Variants in PCTP observed in about 807,000 individuals in gnomAD.
PCTP encodes the protein phosphatidylcholine transfer protein.
In PCTP, 27 loss-of-function variants were observed where a neutral mutation model predicts 31.0. The observed-to-expected ratio is 0.87, with a 90% CI of 0.64 to 1.20. The LOEUF is 1.20. PCTP is among the 50% of genes most tolerant of loss of function. The pLI is 0.00. For synonymous variants in PCTP, 108 were observed against 101.2 expected (o/e 1.07, Z -0.40); for missense variants, 287 against 268.2 (o/e 1.07, Z -0.49).
At chr17:55,839,747 C>T (rs979271793) in intron 5 of PCTP, among the ~76,000 whole-genome samples, 4 of 150,626 alleles carry the variant, frequency 2.7e-5, no homozygotes, top group African/African-American at 4.9e-5. Context: ...GGTGAAACCC[C>T]GTCTCTACTA....
chr17:55,751,911 T>C (rs1909739891), intron 1 of PCTP, among the ~76,000 whole-genome samples: 1 of 152,256 alleles, frequency 6.6e-6, no homozygotes, highest in Non-Finnish European at 1.5e-5. Flanking sequence ...CCAAGGCTTG[T>C]CATCAGTTGC....
chr17:55,788,504 G>C (rs780818206), intron 3 of PCTP, among the ~76,000 whole-genome samples: 1 of 152,102 alleles, frequency 6.6e-6, no homozygotes, highest in Non-Finnish European at 1.5e-5. Flanking sequence ...ACCAAGTTGG[G>C]CATTGGCTAT....
chr17:55,834,993 C>A (rs1238569053), intron 5 of PCTP, among the ~76,000 whole-genome samples: 2 of 152,028 alleles, frequency 1.3e-5, no homozygotes, highest in Non-Finnish European at 2.9e-5. Context: ...GCCCTAAATC[C>A]AATACGATTA....
the PCTP span, among the ~76,000 whole-genome samples, chr17:55,852,638 C>T: frequency 7.9e-5 from 12 of 152,128 alleles, no homozygotes; most frequent in Non-Finnish European, 1.3e-4. Flanking sequence ...TTTTCTTCTA[C>T]CCAGGTTTGA....
chr17:55,847,532 C>T (rs192866889), downstream of PCTP, among the ~76,000 whole-genome samples: 140 of 152,300 alleles, frequency 9.2e-4, no homozygotes, highest in African/African-American at 3.0e-3. Flanking sequence ...ACATGCTTTG[C>T]TTCCTCTTTG....
At chr17:55,817,672 C>T (rs7218611) in intron 3 of PCTP, among the ~76,000 whole-genome samples, 7,233 of 152,232 alleles carry the variant, frequency 0.048, 543 homozygotes, top group African/African-American at 0.16. Context: ...GGAAAAGTAG[C>T]TTTATTGTCT....
chr17:55,779,515 A>G (rs537981651), downstream of PCTP, among the ~76,000 whole-genome samples: 1 of 152,194 alleles, frequency 6.6e-6, no homozygotes, highest in South Asian at 2.1e-4. Flanking sequence ...GAGCGCTGAC[A>G]TGAAGGAGAG....
chr17:55,787,856 T>A (rs908089202), intron 3 of PCTP, among the ~76,000 whole-genome samples: 10 of 152,284 alleles, frequency 6.6e-5, no homozygotes, highest in Admixed American at 2.0e-4. Context: ...TACAATAATT[T>A]TCTGACCCCT....
chr17:55,756,715 A>ATG (rs79186953), intron 1 of PCTP, among the ~76,000 whole-genome samples: 1,676 of 150,376 alleles, frequency 0.011, 39 homozygotes, highest in African/African-American at 0.038. Flanking sequence ...TGTATTATGA[A>ATG]TGTGTGTGTG....
chr17:55,774,694 T>G, intron 4 of PCTP, 98 bp from the exon 5 acceptor site: 5 of 1,011,980 alleles, frequency 4.9e-6, no homozygotes, highest in Non-Finnish European at 7.8e-6. Context: ...CTGCAGTTTC[T>G]GAGCTTGAAT....
chr17:55,767,114 T>G (rs1302440603), intron 1 of PCTP, among the ~76,000 whole-genome samples: 3 of 152,180 alleles, frequency 2.0e-5, no homozygotes, highest in Non-Finnish European at 4.4e-5. Context: ...GGGTTGTTTG[T>G]TTTTTTCTTG....
At chr17:55,803,970 C>T (rs1912487527) in intron 3 of PCTP, among the ~76,000 whole-genome samples, 1 of 149,370 alleles carries the variant, frequency 6.7e-6, no homozygotes. Flanking sequence ...ACCCATCTGA[C>T]AAAGGTCTAA....
intron 2 of PCTP, among the ~76,000 whole-genome samples, chr17:55,786,319 G>A (rs867834283): frequency 3.2e-4 from 49 of 152,156 alleles, no homozygotes; most frequent in African/African-American, 1.1e-3. Flanking sequence ...ATGTGTGATA[G>A]AGTCAAGAGT....
At chr17:55,834,399 G>C (rs1235764891) in intron 5 of PCTP, among the ~76,000 whole-genome samples, 1 of 151,976 alleles carries the variant, frequency 6.6e-6, no homozygotes, top group Non-Finnish European at 1.5e-5. Context: ...TCCCCTCCCT[G>C]TGTCAAAACT....
chr17:55,800,486 C>A (rs755245353), intron 3 of PCTP, among the ~76,000 whole-genome samples: 23 of 151,798 alleles, frequency 1.5e-4, no homozygotes, highest in Non-Finnish European at 2.8e-4. Context: ...AATCTTTTTT[C>A]AAGATTCCTA....
intron 1 of PCTP, among the ~76,000 whole-genome samples, chr17:55,759,577 A>G (rs1223948272): frequency 6.6e-6 from 1 of 152,164 alleles, no homozygotes; most frequent in African/African-American, 2.4e-5. Context: ...CAGCTTTTAG[A>G]TAAATAGATT....
chr17:55,810,876 G>A (rs1912730200), intron 3 of PCTP, among the ~76,000 whole-genome samples: 1 of 152,204 alleles, frequency 6.6e-6, no homozygotes, highest in African/African-American at 2.4e-5. Flanking sequence ...GAGAATAAAA[G>A]CAAGAATTGC....
intron 5 of PCTP, among the ~76,000 whole-genome samples, chr17:55,839,643 G>C (rs1045115176): frequency 4.6e-5 from 7 of 152,148 alleles, no homozygotes; most frequent in African/African-American, 1.2e-4. Flanking sequence ...ACAACTGGCC[G>C]GGCGCGGTGG....
At chr17:55,757,519 TAC>T (rs576802579) in intron 1 of PCTP, among the ~76,000 whole-genome samples, 2 of 145,080 alleles carry the variant, frequency 1.4e-5, no homozygotes, top group African/African-American at 2.5e-5. Flanking sequence ...TGTATATATA[TAC>T]ACACACATAT....
Sources: allele counts gnomAD v4.1 joint callset (sites outside exome capture counted in the v4.1 genomes callset), GRCh38; gene constraint gnomAD v4.1.1; transcripts MANE v1.5; gene names NCBI Gene and HGNC (gene_info 2026-07-23, HGNC 2026-07-21).